The following KCTD5 variants were observed in gnomAD, a reference collection of about 807,000 sequenced individuals.
KCTD5 encodes BTB/POZ domain-containing protein KCTD5.
Under a neutral mutation model 27.9 loss-of-function variants are expected in KCTD5, and 12 were observed. The ratio of observed to expected loss-of-function variants is 0.43; its 90% CI spans 0.28 to 0.70. KCTD5 has a LOEUF of 0.70. KCTD5 is among the 30% of genes least tolerant of loss of function. The pLI, the probability that KCTD5 is intolerant of heterozygous loss-of-function variation, is 0.19. For missense variants in KCTD5, 226 were observed against 274.8 expected (o/e 0.82, Z 1.26); for synonymous variants, 147 against 121.4 (o/e 1.21, Z -1.39).
At chr16:2,693,681 C>T (rs939930034) in intron 1 of KCTD5, among the ~76,000 whole-genome samples, 1 of 152,258 alleles carries the variant, frequency 6.6e-6, no homozygotes, top group African/African-American at 2.4e-5. Context: ...GGGCGCCCAG[C>T]ACGCTTCCTT....
intron 4 of KCTD5, among the ~76,000 whole-genome samples, chr16:2,701,518 C>G (rs1001063283): frequency 5.9e-5 from 9 of 152,188 alleles, no homozygotes; most frequent in African/African-American, 2.2e-4. Flanking sequence ...GGGCCCATGC[C>G]GGCACCCCTG....
chr16:2,698,770 C>T (rs1219539470), intron 3 of KCTD5, among the ~76,000 whole-genome samples: 2 of 152,252 alleles, frequency 1.3e-5, no homozygotes, highest in Non-Finnish European at 2.9e-5. Context: ...CCAGTTCCCC[C>T]TCCTGCTGGA....
chr16:2,682,972 C>T lies in KCTD5; in HGVS notation c.252+172C>T, dbSNP rs139783497. 198 of 729,330 alleles carry T rather than the reference C, an allele frequency of 2.7e-4. 1 individual carries two copies. Among genetic ancestry groups the T allele is most frequent in the Middle Eastern group, 1.2e-3 (3 of 2,554 alleles). The allele number at this position is 729,330 out of a possible 1,614,324, so 45.2% of individuals were successfully genotyped here. ...CTCCCCAGCTTGCCCCGATCCCCTA[C>T]CCTGGGAGGGGAGGGTGAGGATGGC... On this transcript the variant is annotated intron_variant, in intron 1 of 5. Coordinates refer to ENST00000301738, the MANE Select transcript of KCTD5 (RefSeq NM_018992.4).
At chr16:2,698,088 G>A in intron 3 of KCTD5, 91 bp downstream of exon 3, 1 of 886,764 alleles carries the variant, frequency 1.1e-6, no homozygotes, top group African/African-American at 1.7e-5. Context: ...TCCCAAATAA[G>A]TCCTGCGGTC....
At chr16:2,691,098 A>G (rs768471858) in intron 1 of KCTD5, among the ~76,000 whole-genome samples, 4 of 152,270 alleles carry the variant, frequency 2.6e-5, no homozygotes, top group Non-Finnish European at 5.9e-5. Flanking sequence ...CCCTGCCTAC[A>G]TGCTTGGAAG....
intron 1 of KCTD5, among the ~76,000 whole-genome samples, chr16:2,687,420 G>A (rs2067544575): frequency 6.6e-6 from 1 of 152,154 alleles, no homozygotes; most frequent in Non-Finnish European, 1.5e-5. Context: ...CCTCTTTCTG[G>A]CCCTGCAGAT....
At chr16:2,702,823 G>C (rs989927240) in intron 5 of KCTD5, among the ~76,000 whole-genome samples, 2 of 121,108 alleles carry the variant, frequency 1.7e-5, no homozygotes, top group Non-Finnish European at 3.7e-5. Flanking sequence ...GTGAGGACTT[G>C]GGATGCTGAG....
intron 3 of KCTD5, 137 bp downstream of exon 3, chr16:2,698,134 C>T: frequency 1.6e-6 from 1 of 632,522 alleles, no homozygotes; most frequent in Non-Finnish European, 2.8e-6. Flanking sequence ...TGTCCTCTGT[C>T]ACTGCCCCAG....
At chr16:2,696,797 G>A (rs775688623) in intron 2 of KCTD5, among the ~76,000 whole-genome samples, 140 of 152,388 alleles carry the variant, frequency 9.2e-4, no homozygotes, top group Non-Finnish European at 1.2e-3. Context: ...AGTGACGGGG[G>A]CTGTGGCCCA....
At chr16:2,699,767 G>A in intron 3 of KCTD5, 54 bp from the exon 4 acceptor site, 1 of 1,547,084 alleles carries the variant, frequency 6.5e-7, no homozygotes, top group South Asian at 1.1e-5. Flanking sequence ...TGGGGCCACA[G>A]GCAGCAGTGG....
intron 1 of KCTD5, among the ~76,000 whole-genome samples, chr16:2,686,962 G>A (rs1278144988): frequency 3.3e-5 from 5 of 152,208 alleles, no homozygotes; most frequent in East Asian, 1.9e-4. Flanking sequence ...GTGGGTGTCT[G>A]CGACGCTGAT....
chr16:2,703,927 T>G (rs2067623507), intron 5 of KCTD5, among the ~76,000 whole-genome samples: 2 of 152,176 alleles, frequency 1.3e-5, no homozygotes, highest in African/African-American at 4.8e-5. Context: ...GAGGCACTTC[T>G]CTTCCTCTTG....
At chr16:2,688,243 A>ATT (rs1555454269) in intron 1 of KCTD5, among the ~76,000 whole-genome samples, 2 of 64,266 alleles carry the variant, frequency 3.1e-5, no homozygotes, top group African/African-American at 1.0e-4. Flanking sequence ...ATATATATAT[A>ATT]TATTTATTTA....
intron 1 of KCTD5, among the ~76,000 whole-genome samples, chr16:2,687,494 A>T (rs1187887012): frequency 2.0e-5 from 3 of 152,234 alleles, no homozygotes; most frequent in African/African-American, 7.2e-5. Flanking sequence ...CAGGAGTCAG[A>T]AAGCTGGTCC....
Position 2,703,808 on chromosome 16 carries a change from C to T in KCTD5, c.675+1330C>T, listed in dbSNP as rs912575004. Reference sequence around the variant, plus strand: ...GGGGCAGGCCCTGGTGTGGGACAGCCGGGGTGGAAGCTGGGGTTCCACCGC... The same window carrying T: ...GGGGCAGGCCCTGGTGTGGGACAGCTGGGGTGGAAGCTGGGGTTCCACCGC... On this transcript the variant is annotated intron_variant, in intron 5 of 5. Coordinates refer to ENST00000301738, the MANE Select transcript of KCTD5 (RefSeq NM_018992.4). Among the ~76,000 whole-genome samples the T allele has an allele frequency of 3.9e-5, 6 of 152,018 alleles. No homozygotes were observed. In the East Asian group the frequency reaches 5.8e-4, roughly 15 times the overall value.
chr16:2,682,998 G>A, intron 1 of KCTD5, 198 bp downstream of exon 1: 1 of 580,722 alleles, frequency 1.7e-6, no homozygotes, highest in Non-Finnish European at 2.8e-6. Flanking sequence ...TGAGGATGGC[G>A]CCCTGGCGTC....
chr16:2,698,839 C>T (rs893714215), intron 3 of KCTD5, among the ~76,000 whole-genome samples: 2 of 152,202 alleles, frequency 1.3e-5, no homozygotes, highest in Non-Finnish European at 2.9e-5. Context: ...GCAGGAGCTG[C>T]GTCCCGCGCC....
At chr16:2,704,917 G>A (rs1477906046) in intron 5 of KCTD5, among the ~76,000 whole-genome samples, 3 of 152,218 alleles carry the variant, frequency 2.0e-5, no homozygotes, top group African/African-American at 7.2e-5. Flanking sequence ...CTCAGCACAT[G>A]GTGGGACAGG....
chr16:2,684,791 A>T (rs1053390599), intron 1 of KCTD5: 2 of 151,864 alleles, frequency 1.3e-5, no homozygotes, highest in African/African-American at 2.4e-5. Flanking sequence ...AAAAAAAATA[A>T]GCCAGGTGTG....
Sources: allele counts gnomAD v4.1 joint callset (sites outside exome capture counted in the v4.1 genomes callset), GRCh38; gene constraint gnomAD v4.1.1; transcripts MANE v1.5; gene names NCBI Gene and HGNC (gene_info 2026-07-23, HGNC 2026-07-21).